The following DHX36 variants were observed in gnomAD, a reference collection of about 807,000 sequenced individuals.
The protein encoded by DHX36 is DEAH-box helicase 36.
DHX36 carries 50 observed loss-of-function variants against 139.0 expected under a neutral mutation model. The observed-to-expected ratio is 0.36, with a 90% CI of 0.29 to 0.46. The LOEUF is 0.46. DHX36 is among the 20% of genes least tolerant of loss of function. DHX36 has a pLI of 1.00. For synonymous variants in DHX36, 425 were observed against 401.9 expected, an observed-to-expected ratio of 1.06 and a Z score of -0.69; for missense variants, 1,024 against 1,211.3, an observed-to-expected ratio of 0.85 and a Z score of 2.29.
At chr3:154,306,469 GTTTA>G (rs1177743235) in intron 5 of DHX36, among the ~76,000 whole-genome samples, 174 bp from the exon 6 acceptor site, 1 of 152,078 alleles carries the variant, frequency 6.6e-6, no homozygotes, top group African/African-American at 2.4e-5. Flanking sequence ...CTTAAGAGCT[GTTTA>G]TTTTTCATTT....
chr3:154,323,115 A>T (rs1290609486), intron 1 of DHX36, among the ~76,000 whole-genome samples: 1 of 152,120 alleles, frequency 6.6e-6, no homozygotes, highest in Non-Finnish European at 1.5e-5. Flanking sequence ...TGGGTGGATC[A>T]CCTGAGGTCA....
At position 154,276,998 on chromosome 3, in the gene DHX36, C is replaced by T. The variant is rs537936210; in HGVS notation, c.2689-99G>A. The T allele has an allele frequency of 4.9e-6, 5 of 1,023,832 alleles. No individual in the cohort carries two copies. The African/African-American group carries it at 8.3e-5, about 17-fold the overall frequency. The allele number at this position is 1,023,832 out of a possible 1,614,324, so 63.4% of individuals were successfully genotyped here. The stretch of plus-strand genomic sequence containing the variant: ...CCAGTATTAATTAATGAGTATCTTC[C>T]TTCTAAAATATTAACCTTCTATTGT... On this transcript the variant is annotated intron_variant, in intron 23 of 24. Coordinates refer to ENST00000496811, the MANE Select transcript of DHX36 (RefSeq NM_020865.3).
chr3:154,274,016 C>G lies in DHX36; in HGVS notation c.*2155G>C, dbSNP rs1559941312. 1 of 152,068 alleles carries G rather than the reference C, an allele frequency of 6.6e-6. No homozygotes were observed. The highest frequency in any genetic ancestry group is 6.6e-5 in the Admixed American group (1 of 15,246). 9.4% of individuals were successfully genotyped at this position (152,068 alleles called of 1,614,324 possible). On this transcript the variant is annotated 3_prime_UTR_variant, in exon 25 of 25. Transcript: ENST00000496811. The stretch of plus-strand genomic sequence containing the variant: ...ACCCTTTTTGCCAAGTTAAAAATAC[C>G]CTACTAGGGACCGGGTGCAGTGGCT...
chr3:154,318,005 T>A (rs1043635404), intron 1 of DHX36, among the ~76,000 whole-genome samples: 1 of 152,036 alleles, frequency 6.6e-6, no homozygotes, highest in African/African-American at 2.4e-5. Flanking sequence ...AAGTTTAACA[T>A]AAAGTTTGAA....
intron 1 of DHX36, 47 bp from the exon 2 acceptor site, chr3:154,316,210 T>A: frequency 6.2e-7 from 1 of 1,604,852 alleles, no homozygotes; most frequent in Non-Finnish European, 8.5e-7. Flanking sequence ...TAAGAAAGCA[T>A]ATGCAAAAAT....
chr3:154,311,523 C>A lies in DHX36; in HGVS notation c.642+113G>T, dbSNP rs111324979. 3.0e-4 allele frequency: 255 copies of A among 836,680 alleles called. No individual in the cohort carries two copies. The African/African-American group carries it at 4.1e-3, about 13-fold the overall frequency. 51.8% of individuals were successfully genotyped at this position (836,680 alleles called of 1,614,324 possible). Reference sequence around the variant, plus strand: ...AAAAGAATAAAATTAACTTCCAATACTATCCTGTAAAAGAAAGTTCATTAA... The same window carrying A: ...AAAAGAATAAAATTAACTTCCAATAATATCCTGTAAAAGAAAGTTCATTAA... On this transcript the variant is annotated intron_variant, in intron 4 of 24. Coordinates refer to ENST00000496811, the MANE Select transcript of DHX36 (RefSeq NM_020865.3).
Position 154,276,088 on chromosome 3 carries a change from C to A in DHX36, c.*83G>T. 7.2e-7 allele frequency: 1 copy of A among 1,392,422 alleles called. No homozygotes were observed. Among genetic ancestry groups the A allele is most frequent in the South Asian group, 1.4e-5 (1 of 72,972 alleles). 86.3% of individuals were successfully genotyped at this position (1,392,422 alleles called of 1,614,324 possible). ...TTACACATGAAAATTGTTCATGTCCCAGGGTTTGGCATCCAGCCAAAATTT... is the reference window on the plus strand; with the variant it reads ...TTACACATGAAAATTGTTCATGTCCAAGGGTTTGGCATCCAGCCAAAATTT... On this transcript the variant is annotated 3_prime_UTR_variant, in exon 25 of 25. Transcript: ENST00000496811.
intron 5 of DHX36, among the ~76,000 whole-genome samples, chr3:154,308,280 A>C (rs1712588055): frequency 6.6e-6 from 1 of 152,206 alleles, no homozygotes; most frequent in South Asian, 2.1e-4. Flanking sequence ...TTAGAAACCA[A>C]AGCTTAAAAC....
rs981184454 is a variant in DHX36 at position 154,317,701 on chromosome 3, A to AT, written c.244-1539dup. On this transcript the variant is annotated intron_variant, in intron 1 of 24. Coordinates refer to ENST00000496811, the MANE Select transcript of DHX36 (RefSeq NM_020865.3). ...GGCAGTTGGGAATGATCTTCAAGGT[A>AT]TTTTTGGTTTTTGAGGTTTGGTTTT... is the stretch of plus-strand genomic sequence containing the variant. Among the ~76,000 whole-genome samples the AT allele has an allele frequency of 3.9e-5, 6 of 152,192 alleles. No homozygotes were observed. In the Middle Eastern group the frequency reaches 0.014, roughly 345 times the overall value.
chr3:154,309,856 T>C (rs1553759487), intron 4 of DHX36, 33 bp from the exon 5 acceptor site: 10 of 1,471,298 alleles, frequency 6.8e-6, no homozygotes, highest in South Asian at 1.3e-5. Context: ...GAATATCACA[T>C]GTTGACTAAG....
At chr3:154,290,318 G>T (rs1233481073) in intron 15 of DHX36, among the ~76,000 whole-genome samples, 1 of 152,086 alleles carries the variant, frequency 6.6e-6, no homozygotes, top group East Asian at 1.9e-4. Flanking sequence ...AGCCATGAAT[G>T]ATATCATTTT....
Position 154,295,303 on chromosome 3 carries a change from G to A in DHX36, c.1586C>T (p.Pro529Leu), listed in dbSNP as rs1711996968. The change falls in exon 13 of 25, where the codon CCT becomes CTT. Residue 529 changes from proline to leucine, a missense_variant. Transcript: ENST00000496811. ...ACATACCTGTGTCTGGTTAACTGTAGGCATCAGTGAATGTAAAGGTATAAT... is the reference window on the plus strand; with the variant it reads ...ACATACCTGTGTCTGGTTAACTGTAAGCATCAGTGAATGTAAAGGTATAAT... ...FLIIPLHSLM[P>L]TVNQTQVFKR... is the part of the protein sequence containing the mutation. The A allele has an allele frequency of 4.5e-6, 7 of 1,545,506 alleles. No individual in the cohort carries two copies. The East Asian group carries it at 1.6e-4, about 36-fold the overall frequency.
intron 5 of DHX36, among the ~76,000 whole-genome samples, chr3:154,307,480 G>C (rs1559956189): frequency 6.6e-6 from 1 of 152,076 alleles, no homozygotes; most frequent in African/African-American, 2.4e-5. Flanking sequence ...TTTTTCAAAA[G>C]AAGATATACA....
intron 12 of DHX36, among the ~76,000 whole-genome samples, chr3:154,299,062 TGGAGTTC>T (rs1712157793): frequency 6.6e-6 from 1 of 152,012 alleles, no homozygotes; most frequent in Non-Finnish European, 1.5e-5. Context: ...ACTTCAGGTC[TGGAGTTC>T]GAGACCAGCC....
Position 154,283,193 on chromosome 3 carries a change from G to C in DHX36, c.2371C>G (p.Leu791Val). Residue 791 changes from leucine to valine, a missense_variant, in exon 20 of 25, where the codon CTG becomes GTG. By Grantham distance (32) the Leu-to-Val change is conservative. Around this residue, in one of 4 missense-constraint regions of DHX36, gnomAD observed 470 missense variants for 616.2 expected, o/e 0.76. Coordinates refer to ENST00000496811, the MANE Select transcript of DHX36 (RefSeq NM_020865.3). ...TGCAAAACATTCACCATTACCTGCA[G>C]TGTGTTTGAAGACAGAAAATATTCC... ...CWEYFLSSNT[L>V]QMLHNMKGQF... 1 of 1,610,398 alleles carries C rather than the reference G, an allele frequency of 6.2e-7. No individual in the cohort carries two copies. Among genetic ancestry groups the C allele is most frequent in the Non-Finnish European group, 8.5e-7 (1 of 1,176,736 alleles).
chr3:154,297,023 T>C (rs927368799), intron 12 of DHX36, among the ~76,000 whole-genome samples: 9 of 152,218 alleles, frequency 5.9e-5, no homozygotes, highest in Admixed American at 4.6e-4. Context: ...AATGAAATGA[T>C]AGCATAAAGA....
In DHX36 at chr3:154,313,370, A is replaced by G. The variant is rs376504100; in HGVS notation, c.603+1676T>C. 2.6e-5 allele frequency among the ~76,000 whole-genome samples: 4 copies of G among 152,288 alleles called. No individual in the cohort carries two copies. In the East Asian group the frequency reaches 5.8e-4, roughly 22 times the overall value. Reference sequence around the variant, plus strand: ...GCTCTCTGAGGACAGGAAATATCTTATTACTCTTCAAAAACAGTAATAAGC... The same window carrying G: ...GCTCTCTGAGGACAGGAAATATCTTGTTACTCTTCAAAAACAGTAATAAGC... On this transcript the variant is annotated intron_variant, in intron 3 of 24. Coordinates refer to ENST00000496811, the MANE Select transcript of DHX36 (RefSeq NM_020865.3).
At chr3:154,282,356 A>C (rs570568601) in intron 20 of DHX36, among the ~76,000 whole-genome samples, 50 of 152,158 alleles carry the variant, frequency 3.3e-4, no homozygotes, top group African/African-American at 1.1e-3. Context: ...AGGGGTGTCC[A>C]TTCTGTTCCT....
At chr3:154,310,386 A>G (rs1013676662) in intron 4 of DHX36, among the ~76,000 whole-genome samples, 3 of 152,122 alleles carry the variant, frequency 2.0e-5, no homozygotes, top group African/African-American at 7.2e-5. Flanking sequence ...ATTTTTAATA[A>G]TAATATTCAC....
Sources: gnomAD v4.1 joint callset for allele counts (sites outside exome capture counted in the v4.1 genomes callset) on GRCh38, gnomAD v4.1.1 for gene constraint, gnomAD v4.1.1 regional missense constraint, MANE v1.5 for transcripts, NCBI Gene and HGNC (gene_info 2026-07-23, HGNC 2026-07-21) for gene names.